Variants in AUTS2 observed in about 807,000 individuals in gnomAD.
The protein encoded by AUTS2 is activator of transcription and developmental regulator AUTS2, also known as autism susceptibility gene 2 protein.
In AUTS2, 17 loss-of-function variants were observed where a neutral mutation model predicts 112.4. The observed-to-expected ratio is 0.15, with a 90% CI of 0.10 to 0.23. The LOEUF (loss-of-function observed/expected upper bound fraction) is 0.23, where lower values mean the gene tolerates loss of function less well. AUTS2 is among the 10% of genes least tolerant of loss of function. The probability of loss-of-function intolerance (pLI) is 1.00; values close to 1 mark genes in which losing one functional copy is unlikely to be tolerated. For synonymous variants in AUTS2, 751 were observed against 702.7 expected, an observed-to-expected ratio of 1.07 and a Z score of -1.09; for missense variants, 1,510 against 1,701.6, an observed-to-expected ratio of 0.89 and a Z score of 1.98.
chr7:69,644,133 A>G (rs542943189), intron 1 of AUTS2, among the ~76,000 whole-genome samples: 3 of 152,066 alleles, frequency 2.0e-5, no homozygotes, highest in African/African-American at 7.2e-5. Flanking sequence ...AGTCTTTGGT[A>G]TTTCGTTATG....
At chr7:70,773,090 G>A (rs1790456457) in intron 11 of AUTS2, among the ~76,000 whole-genome samples, 1 of 152,222 alleles carries the variant, frequency 6.6e-6, no homozygotes, top group African/African-American at 2.4e-5. Flanking sequence ...TTCTTCATAT[G>A]TATGCAAATC....
chr7:70,657,655 TC>T (rs1468026242), intron 5 of AUTS2, among the ~76,000 whole-genome samples: 1 of 152,194 alleles, frequency 6.6e-6, no homozygotes, highest in Admixed American at 6.5e-5. Flanking sequence ...TGCTATTTTT[TC>T]CCCTAGCGTC....
At chr7:70,500,877 C>A (rs890134724) in intron 5 of AUTS2, among the ~76,000 whole-genome samples, 4 of 152,058 alleles carry the variant, frequency 2.6e-5, no homozygotes, top group African/African-American at 4.8e-5. Context: ...CATCCGCCAC[C>A]ACGCCCAGTT....
chr7:70,734,486 G>A (rs1787663813), intron 6 of AUTS2, among the ~76,000 whole-genome samples: 2 of 151,884 alleles, frequency 1.3e-5, no homozygotes, highest in South Asian at 4.2e-4. Flanking sequence ...ATTAGTATGG[G>A]GATACATTGT....
At chr7:70,081,965 T>TGTGTGTGTGCGC (rs1018968486) in intron 2 of AUTS2, among the ~76,000 whole-genome samples, 150 of 128,096 alleles carry the variant, frequency 1.2e-3, no homozygotes, top group Middle Eastern at 3.9e-3. Context: ...TGTGTGTGTG[T>TGTGTGTGTGCGC]GCGCGCGCCT....
At chr7:70,716,247 T>A (rs189635179) in intron 6 of AUTS2, among the ~76,000 whole-genome samples, 7 of 152,310 alleles carry the variant, frequency 4.6e-5, no homozygotes, top group Middle Eastern at 3.4e-3. Context: ...TAAGTGACAG[T>A]GAGTTCTTGC....
At chr7:69,891,836 C>A (rs1275053517) in intron 1 of AUTS2, among the ~76,000 whole-genome samples, 1 of 99,578 alleles carries the variant, frequency 1.0e-5, no homozygotes, top group Non-Finnish European at 1.8e-5. Flanking sequence ...CTCTGTCATC[C>A]AGGCTGGAGT....
chr7:70,730,788 A>G (rs1393724868), intron 6 of AUTS2, among the ~76,000 whole-genome samples: 2 of 152,196 alleles, frequency 1.3e-5, no homozygotes, highest in African/African-American at 4.8e-5. Flanking sequence ...GTGCTGGGTC[A>G]TGTATTAGCT....
At chr7:70,697,557 A>C in intron 5 of AUTS2, among the ~76,000 whole-genome samples, 1 of 80,546 alleles carries the variant, frequency 1.2e-5, no homozygotes, top group Non-Finnish European at 2.6e-5. Flanking sequence ...TGCACTTCAG[A>C]ATTCCCCCCC....
At chr7:69,945,523 A>G (rs1796774566) in intron 2 of AUTS2, among the ~76,000 whole-genome samples, 3 of 152,174 alleles carry the variant, frequency 2.0e-5, no homozygotes, top group South Asian at 4.1e-4. Flanking sequence ...TGATATATGT[A>G]TATATTGTGA....
chr7:70,048,491 A>C (rs1801604471), intron 2 of AUTS2, among the ~76,000 whole-genome samples: 1 of 152,312 alleles, frequency 6.6e-6, no homozygotes, highest in Non-Finnish European at 1.5e-5. Context: ...TTCTGTATAG[A>C]CTGTGAACTC....
intron 1 of AUTS2, among the ~76,000 whole-genome samples, chr7:69,717,665 T>G (rs1364942025): frequency 1.3e-5 from 2 of 152,144 alleles, no homozygotes; most frequent in Non-Finnish European, 2.9e-5. Context: ...GAAATGACAT[T>G]TGTGCTTTGT....
intron 1 of AUTS2, among the ~76,000 whole-genome samples, chr7:69,757,484 T>C (rs1787988748): frequency 6.6e-6 from 1 of 152,236 alleles, no homozygotes; most frequent in Admixed American, 6.5e-5. Context: ...TCAGTTATCA[T>C]TTATATCTCC....
chr7:70,248,397 T>G (rs1264334018), intron 4 of AUTS2, among the ~76,000 whole-genome samples: 1 of 152,180 alleles, frequency 6.6e-6, no homozygotes, highest in African/African-American at 2.4e-5. Flanking sequence ...GTGCTGAGAT[T>G]ACAGGCATGA....
intron 1 of AUTS2, among the ~76,000 whole-genome samples, chr7:69,732,337 A>G (rs915413674): frequency 7.9e-5 from 12 of 152,154 alleles, no homozygotes; most frequent in African/African-American, 1.2e-4. Flanking sequence ...AGCAGGTTCA[A>G]TGATTTAACC....
At chr7:70,141,106 C>T (rs1395541631) in intron 4 of AUTS2, among the ~76,000 whole-genome samples, 4 of 152,070 alleles carry the variant, frequency 2.6e-5, no homozygotes, top group Admixed American at 6.5e-5. Flanking sequence ...AGATAGTCAA[C>T]AGGAAAGAAA....
chr7:70,599,481 T>C (rs1346784540), intron 5 of AUTS2, among the ~76,000 whole-genome samples: 1 of 152,212 alleles, frequency 6.6e-6, no homozygotes, highest in Non-Finnish European at 1.5e-5. Context: ...GTCAGCAGCA[T>C]TGGTATCACC....
At chr7:70,739,478 T>A (rs1204365546) in intron 6 of AUTS2, among the ~76,000 whole-genome samples, 1 of 139,692 alleles carries the variant, frequency 7.2e-6, no homozygotes, top group East Asian at 2.0e-4. Context: ...CTGTGCCCAG[T>A]CACATTTTTT....
intron 5 of AUTS2, among the ~76,000 whole-genome samples, chr7:70,468,556 A>G (rs1226146808): frequency 6.6e-6 from 1 of 152,202 alleles, no homozygotes; most frequent in South Asian, 2.1e-4. Context: ...CCTCCCTGCC[A>G]GAGATGTTGG....
Sources: gnomAD v4.1 joint callset for allele counts (sites outside exome capture counted in the v4.1 genomes callset) on GRCh38, gnomAD v4.1.1 for gene constraint, MANE v1.5 for transcripts, NCBI Gene and HGNC (gene_info 2026-07-23, HGNC 2026-07-21) for gene names.